MORC4: variants seen among roughly 807,000 people sequenced by gnomAD.
The protein encoded by MORC4 is MORC family CW-type zinc finger 4, also known as MORC family CW-type zinc finger protein 4.
Under a neutral mutation model 65.5 loss-of-function variants are expected in MORC4, and 22 were observed. That is an observed-to-expected ratio of 0.34 (90% CI 0.24 to 0.48). The LOEUF is 0.48. Among genes scored for constraint, MORC4 ranks in the 20% least tolerant of loss-of-function variants. MORC4 has a pLI of 0.99. For missense variants in MORC4, 624 were observed against 703.0 expected, an observed-to-expected ratio of 0.89 and a Z score of 1.27; for synonymous variants, 267 against 255.8, an observed-to-expected ratio of 1.04 and a Z score of -0.42.
At chrX:106,992,541 G>A (rs1248350276) in intron 3 of MORC4, among the ~76,000 whole-genome samples, 1 of 112,821 alleles carries the variant, frequency 8.9e-6, no homozygotes, top group Non-Finnish European at 1.9e-5. Context: ...GTTTTAAAGT[G>A]ATTAAATGAA....
intron 14 of MORC4, among the ~76,000 whole-genome samples, chrX:106,946,314 C>T (rs73638922): frequency 2.0e-3 from 226 of 112,386 alleles, no homozygotes; most frequent in African/African-American, 7.0e-3. Context: ...CTATTCTAGG[C>T]ATTTAATATA....
Position 106,978,103 on chromosome X carries a change from C to T in MORC4, c.1033G>A (p.Glu345Lys). ...YHNNRLIKSF[E>K]KVGCQVKPTR... ...ACCTTCACCTGGCACCCCACCTTCT[C>T]AAAAGATTTTATGAGTCGGTTGTTA... Residue 345 changes from glutamate (E) to lysine (K), a missense_variant, in exon 8 of 17, where the codon GAG (glutamate) becomes AAG (lysine). Physicochemically the swap from Glu to Lys is moderately conservative, Grantham distance 56 (BLOSUM62 1). Transcript: ENST00000355610. 2 of 1,209,311 alleles carry T rather than the reference C, an allele frequency of 1.7e-6. No homozygotes were observed. Among genetic ancestry groups the T allele is most frequent in the Non-Finnish European group, 2.2e-6 (2 of 893,935 alleles).
intron 9 of MORC4, among the ~76,000 whole-genome samples, chrX:106,968,641 G>GGAAAA (rs1934428964): frequency 6.4e-5 from 1 of 15,533 alleles, no homozygotes; most frequent in Non-Finnish European, 1.2e-4. Context: ...GAAATGGAAA[G>GGAAAA]CAAAAAAAAA....
chrX:106,958,573 A>G, intron 10 of MORC4, 109 bp from the exon 11 acceptor site: 1 of 652,516 alleles, frequency 1.5e-6, no homozygotes, highest in Non-Finnish European at 2.2e-6. Context: ...CATATATGAA[A>G]TATGTTGGGA....
At chrX:106,959,240 G>T (rs1649015337) in intron 10 of MORC4, among the ~76,000 whole-genome samples, 1 of 111,225 alleles carries the variant, frequency 9.0e-6, no homozygotes, top group South Asian at 3.9e-4. Flanking sequence ...CTACACTTTA[G>T]AGTGAATTTG....
At chrX:106,972,468 TA>T (rs1198356842) in intron 9 of MORC4, among the ~76,000 whole-genome samples, 1 of 110,040 alleles carries the variant, frequency 9.1e-6, no homozygotes, top group Admixed American at 9.7e-5. Flanking sequence ...AGTATAATAA[TA>T]AAAAAAAGAT....
At position 106,981,379 on chromosome X, in the gene MORC4, G is replaced by T; in HGVS notation, c.773C>A (p.Thr258Asn). ...ATATTCTGTTTCTGGTAGCTCAGAG[G>T]TAACACCGCCAGTCATTTTTTCTTC... ...DTEEKMTGGV[T>N]SELPETEYSL... is the part of the protein sequence containing the mutation. Residue 258 changes from threonine to asparagine, a missense_variant, in exon 6 of 17, where the codon ACC becomes AAC. Physicochemically the swap from Thr to Asn is moderately conservative, Grantham distance 65. Transcript: ENST00000355610. The T allele has an allele frequency of 8.3e-7, 1 of 1,206,779 alleles. No homozygotes were observed. The highest frequency in any genetic ancestry group is 1.1e-6 in the Non-Finnish European group (1 of 892,660).
intron 2 of MORC4, 93 bp from the exon 3 acceptor site, chrX:106,993,455 C>A (rs1260501127): frequency 3.3e-6 from 3 of 896,646 alleles, no homozygotes; most frequent in African/African-American, 4.0e-5. Context: ...AAGAAATGTC[C>A]TTTATTTCCT....
chrX:106,994,782 T>G (rs1440877123), intron 2 of MORC4, among the ~76,000 whole-genome samples: 1 of 111,132 alleles, frequency 9.0e-6, no homozygotes, highest in East Asian at 2.8e-4. Context: ...TCTTTTTTTT[T>G]TCTTTTTTTT....
intron 5 of MORC4, among the ~76,000 whole-genome samples, chrX:106,983,302 G>A (rs896247639): frequency 1.8e-4 from 20 of 111,963 alleles, no homozygotes; most frequent in African/African-American, 6.5e-4. Context: ...TATTACTTGA[G>A]GTTTTCTCAG....
chrX:106,957,434 G>A (rs935626083), intron 11 of MORC4, among the ~76,000 whole-genome samples: 2 of 111,315 alleles, frequency 1.8e-5, no homozygotes, highest in Admixed American at 1.9e-4. Context: ...GAGACTATGA[G>A]GAAATGCTTA....
At chrX:106,974,608 A>G (rs983356789) in intron 9 of MORC4, among the ~76,000 whole-genome samples, 1 of 111,928 alleles carries the variant, frequency 8.9e-6, no homozygotes, top group African/African-American at 3.2e-5. Context: ...TGCTCGCCAA[A>G]TTACTTCATA....
At chrX:106,943,352 C>T (rs991995221) in intron 14 of MORC4, 147 bp from the exon 15 acceptor site, 5 of 464,134 alleles carry the variant, frequency 1.1e-5, no homozygotes, top group Admixed American at 8.0e-5. Flanking sequence ...TACAACTTTA[C>T]CCACAAGCCT....
rs1602510344 is a variant in MORC4, at chrX:106,993,097, C to T, written c.308+133G>A. The stretch of plus-strand genomic sequence containing the variant: ...CAGTATTTGTTTCATAACCAGTGCC[C>T]TGGCACATAAGAGATGCTTAATAAA... On this transcript the variant is annotated intron_variant, in intron 3 of 16. Coordinates refer to ENST00000355610, the MANE Select transcript of MORC4 (RefSeq NM_024657.5). 4 of 675,772 alleles carry T rather than the reference C, an allele frequency of 5.9e-6. No homozygotes were observed. The East Asian group carries it at 1.3e-4, about 23-fold the overall frequency. 55.7% of individuals were successfully genotyped at this position (675,772 alleles called of 1,213,427 possible). A position where few individuals can be genotyped will look rare whatever the true frequency, so the allele number is the denominator to read the frequency against.
intron 14 of MORC4, among the ~76,000 whole-genome samples, chrX:106,950,839 T>C (rs1933950116): frequency 8.9e-6 from 1 of 111,854 alleles, no homozygotes; most frequent in African/African-American, 3.3e-5. Flanking sequence ...CCACATGGAT[T>C]AGAATTCCTT....
chrX:106,973,993 C>T (rs1934574660), intron 9 of MORC4, among the ~76,000 whole-genome samples: 1 of 111,753 alleles, frequency 8.9e-6, no homozygotes, highest in African/African-American at 3.3e-5. Context: ...GTTATGACAG[C>T]AATAGAAGAC....
At chrX:106,954,832 A>G (rs1569297548) in intron 14 of MORC4, 81 bp downstream of exon 14, 1 of 916,185 alleles carries the variant, frequency 1.1e-6, no homozygotes, top group African/African-American at 2.0e-5. Flanking sequence ...AAACAGAAAC[A>G]AGGTAAAACA....
chrX:106,997,026 C>T (rs1935092513), intron 2 of MORC4, among the ~76,000 whole-genome samples: 1 of 111,626 alleles, frequency 9.0e-6, no homozygotes, highest in Non-Finnish European at 1.9e-5. Flanking sequence ...TAGGTGGCTA[C>T]ATGAAAGATT....
Position 106,986,016 on chromosome X carries a change from T to C in MORC4, c.493A>G (p.Ile165Val), listed in dbSNP as rs1300102854. ...TGGTTGAATGGAACAATTGGTACAA[T>C]AACTGCCTGGGCCTGGACACATTCC... The part of the protein sequence containing the change: ...YLECVQAQAV[I>V]VPIVPFNQQN... The change falls in exon 4 of 17, where the codon ATT (isoleucine) becomes GTT (valine). Residue 165 changes from isoleucine to valine, a missense_variant. Ile to Val is a conservative substitution (Grantham distance 29). Coordinates refer to ENST00000355610, the MANE Select transcript of MORC4 (RefSeq NM_024657.5). 3 of 1,210,303 alleles carry C rather than the reference T, an allele frequency of 2.5e-6. No homozygotes were observed.
Sources: allele counts gnomAD v4.1 joint callset (sites outside exome capture counted in the v4.1 genomes callset), GRCh38; gene constraint gnomAD v4.1.1; transcripts MANE v1.5; gene names NCBI Gene and HGNC (gene_info 2026-07-23, HGNC 2026-07-21).